Variants in CAMKK2 observed in about 807,000 individuals in gnomAD.
CAMKK2 encodes calcium/calmodulin-dependent protein kinase kinase 2.
CAMKK2 carries 30 observed loss-of-function variants against 67.2 expected under a neutral mutation model. The ratio of observed to expected loss-of-function variants is 0.45; its 90% CI spans 0.33 to 0.61. The LOEUF (loss-of-function observed/expected upper bound fraction) is 0.61, where lower values mean the gene tolerates loss of function less well. Among genes scored for constraint, CAMKK2 ranks in the 20% least tolerant of loss-of-function variants. The pLI, the probability that CAMKK2 is intolerant of heterozygous loss-of-function variation, is 0.02. For synonymous variants in CAMKK2, 322 were observed against 326.2 expected, an observed-to-expected ratio of 0.99 and a Z score of 0.14; for missense variants, 643 against 802.0, an observed-to-expected ratio of 0.80 and a Z score of 2.39.
At position 121,291,812 on chromosome 12, in the gene CAMKK2, C is replaced by T. The variant is rs555476113; in HGVS notation, c.-60+4826G>A. On this transcript the variant is annotated intron_variant, in intron 1 of 16. Coordinates refer to ENST00000404169, the MANE Select transcript of CAMKK2 (RefSeq NM_001270485.2). ...GTGGCTCACGCCTGTAATCCCAGCA[C>T]TTTGGGAGGCCGAGGCGGGCAGATC... Among the ~76,000 whole-genome samples, 9 of 152,264 alleles carry T rather than the reference C, an allele frequency of 5.9e-5. No homozygotes were observed. The South Asian group carries it at 1.9e-3, about 32-fold the overall frequency.
At chr12:121,243,317 C>T (rs1888751195) in intron 16 of CAMKK2, among the ~76,000 whole-genome samples, 1 of 151,766 alleles carries the variant, frequency 6.6e-6, no homozygotes, top group Non-Finnish European at 1.5e-5. Flanking sequence ...AGGCGTGAGC[C>T]ACTGCATCCA....
intron 7 of CAMKK2, 38 bp downstream of exon 7, chr12:121,260,281 G>A (rs771403713): frequency 6.3e-7 from 1 of 1,579,774 alleles, no homozygotes. Flanking sequence ...CAGGTGTGGT[G>A]CCTGGGTGAG....
intron 3 of CAMKK2, among the ~76,000 whole-genome samples, chr12:121,270,285 G>A (rs747528584): frequency 6.6e-5 from 10 of 151,350 alleles, no homozygotes; most frequent in Non-Finnish European, 1.3e-4. Flanking sequence ...CAGGAGAATC[G>A]CTTGAGCCTA....
intron 1 of CAMKK2, among the ~76,000 whole-genome samples, chr12:121,294,901 C>T (rs1044272167): frequency 3.3e-5 from 5 of 152,170 alleles, no homozygotes; most frequent in Non-Finnish European, 7.3e-5. Flanking sequence ...GGCCAGGTGG[C>T]AGCTCATGCC....
intron 6 of CAMKK2, chr12:121,260,592 T>C: frequency 1.9e-6 from 1 of 536,016 alleles, no homozygotes; most frequent in Non-Finnish European, 3.2e-6. Context: ...ATCTGAACAC[T>C]CAGGAGGTCG....
At chr12:121,272,884 C>CA (rs977400399) in intron 2 of CAMKK2, among the ~76,000 whole-genome samples, 27 of 151,280 alleles carry the variant, frequency 1.8e-4, no homozygotes, top group African/African-American at 4.9e-4. Flanking sequence ...ACAACAACAA[C>CA]AAAAAAAAGC....
rs1368008096 is a variant in CAMKK2 at position 121,244,423 on chromosome 12, C to G, written c.1596+150G>C. 9.2e-6 allele frequency: 7 copies of G among 757,956 alleles called. No individual in the cohort carries two copies. The East Asian group carries it at 1.9e-4, about 21-fold the overall frequency. The allele number at this position is 757,956 out of a possible 1,614,324, so 47.0% of individuals were successfully genotyped here. A position where few individuals can be genotyped will look rare whatever the true frequency, so the allele number is the denominator to read the frequency against. On this transcript the variant is annotated intron_variant, in intron 16 of 16. Coordinates refer to ENST00000404169, the MANE Select transcript of CAMKK2 (RefSeq NM_001270485.2). ...GCCCCCGAGGCCCCTCATTCTAATA[C>G]TGGGTCTGGAGGCCCGCGGTGAGCC...
chr12:121,292,636 C>T (rs1302944624), intron 1 of CAMKK2, among the ~76,000 whole-genome samples: 2 of 152,110 alleles, frequency 1.3e-5, no homozygotes. Context: ...CTAACCCCAT[C>T]CAAAGAGAAG....
chr12:121,259,349 C>T (rs1228036191), intron 7 of CAMKK2, among the ~76,000 whole-genome samples: 1 of 152,152 alleles, frequency 6.6e-6, no homozygotes, highest in Non-Finnish European at 1.5e-5. Flanking sequence ...CTCAGGTGCG[C>T]TCCCCAAGGA....
Position 121,277,776 on chromosome 12 carries a change from G to A in CAMKK2, c.-59-3191C>T, listed in dbSNP as rs1281034852. Among the ~76,000 whole-genome samples the A allele has an allele frequency of 3.3e-5, 5 of 152,096 alleles. 1 individual carries two copies. The highest frequency in any genetic ancestry group is 3.3e-4 in the Admixed American group (5 of 15,272). ...GAGGTTAGGAGTTCCAGATAAGCCC[G>A]GCCAATATGGTGAAACCCCATCTCT... On this transcript the variant is annotated intron_variant, in intron 1 of 16. Coordinates refer to ENST00000404169, the MANE Select transcript of CAMKK2 (RefSeq NM_001270485.2).
intron 2 of CAMKK2, 111 bp from the exon 3 acceptor site, chr12:121,271,056 C>T (rs546265133): frequency 9.9e-6 from 8 of 805,952 alleles, no homozygotes; most frequent in Admixed American, 1.9e-5. Flanking sequence ...GGGAGGATCA[C>T]TTGAGTTCAG....
At chr12:121,280,954 T>G (rs1001278988) in intron 1 of CAMKK2, among the ~76,000 whole-genome samples, 1 of 152,224 alleles carries the variant, frequency 6.6e-6, no homozygotes, top group Admixed American at 6.5e-5. Context: ...TCTATTACCC[T>G]GTTAAGTACT....
intron 1 of CAMKK2, among the ~76,000 whole-genome samples, chr12:121,293,774 A>T (rs1403023509): frequency 6.6e-6 from 1 of 151,926 alleles, no homozygotes; most frequent in Non-Finnish European, 1.5e-5. Flanking sequence ...TGCACAAATG[A>T]CACCTCCTTC....
At chr12:121,247,535 C>A (rs1188582856) in intron 14 of CAMKK2, among the ~76,000 whole-genome samples, 2 of 152,108 alleles carry the variant, frequency 1.3e-5, no homozygotes, top group Non-Finnish European at 2.9e-5. Flanking sequence ...GTGCAGAGTC[C>A]GACGCCAGCT....
At chr12:121,268,940 C>T (rs1895182134) in intron 4 of CAMKK2, among the ~76,000 whole-genome samples, 1 of 152,152 alleles carries the variant, frequency 6.6e-6, no homozygotes, top group Non-Finnish European at 1.5e-5. Context: ...GGTCGCCTCT[C>T]TCAGCTGGGA....
intron 1 of CAMKK2, among the ~76,000 whole-genome samples, chr12:121,279,900 G>A (rs942938345): frequency 6.6e-6 from 1 of 152,254 alleles, no homozygotes; most frequent in Non-Finnish European, 1.5e-5. Flanking sequence ...TCATTTCCTA[G>A]GGGCTGTTTC....
Position 121,274,517 on chromosome 12 carries a change from A to G in CAMKK2, c.10T>C (p.Cys4Arg), listed in dbSNP as rs1303678199. The change falls in exon 2 of 17, where the codon TGT (cysteine) becomes CGT (arginine). Residue 4 changes from cysteine to arginine, a missense_variant. Physicochemically the swap from Cys to Arg is radical, Grantham distance 180. Transcript: ENST00000404169. The stretch of plus-strand genomic sequence containing the variant: ...TTGCTGCTGGGCTGGCTAGAGACAC[A>G]TGATGACATGGTGCATGCGCCAGCT... MSS[C>R]VSSQPSSNRA... 2 of 1,610,296 alleles carry G rather than the reference A, an allele frequency of 1.2e-6. No individual in the cohort carries two copies.
rs1895282619 is a variant in CAMKK2 at position 121,269,413 on chromosome 12, G to C, written c.573+115C>G. ...CCTTCCTAAGGCACAAAATAAACAT[G>C]ACCTAAGAATAAAATGAGACAACAG... On this transcript the variant is annotated intron_variant, in intron 4 of 16. Transcript: ENST00000404169. The C allele has an allele frequency of 2.0e-5, 16 of 797,476 alleles. No individual in the cohort carries two copies. The South Asian group carries it at 2.3e-4, about 12-fold the overall frequency. The allele number at this position is 797,476 out of a possible 1,614,324, so 49.4% of individuals were successfully genotyped here. A position where few individuals can be genotyped will look rare whatever the true frequency, so the allele number is the denominator to read the frequency against.
intron 1 of CAMKK2, among the ~76,000 whole-genome samples, chr12:121,281,658 G>GT (rs1472787293): frequency 6.6e-6 from 1 of 152,214 alleles, no homozygotes; most frequent in Admixed American, 6.5e-5. Context: ...TTAAAAGTAG[G>GT]TGCACAAGGC....
Sources: gnomAD v4.1 joint callset for allele counts (sites outside exome capture counted in the v4.1 genomes callset) on GRCh38, gnomAD v4.1.1 for gene constraint, MANE v1.5 for transcripts, NCBI Gene and HGNC (gene_info 2026-07-23, HGNC 2026-07-21) for gene names.